Variants in SKAP1 observed in about 807,000 individuals in gnomAD.
The protein encoded by SKAP1 is src kinase associated phosphoprotein 1, also known as src kinase-associated phosphoprotein 1.
Under a neutral mutation model 58.5 loss-of-function variants are expected in SKAP1, and 44 were observed. That is an observed-to-expected ratio of 0.75 (90% CI 0.59 to 0.97). The LOEUF is 0.97. SKAP1 is among the 50% of genes least tolerant of loss of function. The pLI, the probability that SKAP1 is intolerant of heterozygous loss-of-function variation, is 0.00. For missense variants in SKAP1, 390 were observed against 435.2 expected (o/e 0.90, Z 0.92); for synonymous variants, 127 against 149.7 (o/e 0.85, Z 1.11).
chr17:48,140,346 CCTTCTA>C (rs1307466276), intron 11 of SKAP1, among the ~76,000 whole-genome samples: 1 of 152,184 alleles, frequency 6.6e-6, no homozygotes, highest in African/African-American at 2.4e-5. Context: ...TGGTTTCTCT[CCTTCTA>C]CTTCTACTTC....
intron 4 of SKAP1, among the ~76,000 whole-genome samples, chr17:48,318,066 A>G (rs920132627): frequency 2.0e-4 from 30 of 152,362 alleles, no homozygotes; most frequent in Non-Finnish European, 4.0e-4. Context: ...ACACATGAAC[A>G]ATACCACTGA....
chr17:48,196,264 A>G (rs965629087), intron 4 of SKAP1, among the ~76,000 whole-genome samples: 1 of 152,182 alleles, frequency 6.6e-6, no homozygotes, highest in Non-Finnish European at 1.5e-5. Flanking sequence ...CCCCCACAAA[A>G]AGAGACCCTG....
chr17:48,163,816 G>C (rs187315456), intron 10 of SKAP1, among the ~76,000 whole-genome samples: 2 of 152,224 alleles, frequency 1.3e-5, no homozygotes, highest in South Asian at 4.1e-4. Flanking sequence ...ATAAAGGCAC[G>C]GAGGGACAAA....
intron 3 of SKAP1, 65 bp downstream of exon 3, chr17:48,363,724 C>A: frequency 7.4e-7 from 1 of 1,357,170 alleles, no homozygotes; most frequent in Non-Finnish European, 1.0e-6. Context: ...AGAGAAGAGA[C>A]AGGAATAAAC....
chr17:48,159,248 T>G (rs2064035575), intron 11 of SKAP1, among the ~76,000 whole-genome samples: 1 of 152,238 alleles, frequency 6.6e-6, no homozygotes, highest in Admixed American at 6.5e-5. Flanking sequence ...GTGGAACTTC[T>G]TTAGCAGTTT....
intron 4 of SKAP1, among the ~76,000 whole-genome samples, chr17:48,221,910 G>A (rs1299975123): frequency 1.3e-5 from 2 of 152,114 alleles, no homozygotes; most frequent in African/African-American, 4.8e-5. Flanking sequence ...CTGTCTAGAC[G>A]TCTCTGTTGC....
intron 11 of SKAP1, among the ~76,000 whole-genome samples, chr17:48,141,927 C>T (rs1447968122): frequency 6.6e-6 from 1 of 152,166 alleles, no homozygotes; most frequent in Non-Finnish European, 1.5e-5. Flanking sequence ...TTACTCACTC[C>T]CTAGAAGCCT....
At chr17:48,271,407 C>T (rs1201882498) in intron 4 of SKAP1, among the ~76,000 whole-genome samples, 1 of 138,754 alleles carries the variant, frequency 7.2e-6, no homozygotes, top group Non-Finnish European at 1.5e-5. Flanking sequence ...CACTCTTCTG[C>T]CTAGGCCAGA....
intron 2 of SKAP1, among the ~76,000 whole-genome samples, chr17:48,388,391 G>A (rs772604890): frequency 6.6e-6 from 1 of 152,036 alleles, no homozygotes; most frequent in African/African-American, 2.4e-5. Context: ...CCGAGATCAC[G>A]CCACTGCACT....
At chr17:48,195,071 G>C (rs1188875715) in intron 4 of SKAP1, among the ~76,000 whole-genome samples, 1 of 152,180 alleles carries the variant, frequency 6.6e-6, no homozygotes, top group African/African-American at 2.4e-5. Context: ...GGTGAGGAGG[G>C]TATTGCAGAT....
At position 48,189,332 on chromosome 17, in the gene SKAP1, C is replaced by T. The variant is rs971465524; in HGVS notation, c.358+91G>A. On this transcript the variant is annotated intron_variant, in intron 5 of 12. Coordinates refer to ENST00000336915, the MANE Select transcript of SKAP1 (RefSeq NM_003726.4). ...TGTATCCGCCTAGCACAGTACCGGG[C>T]ACAGAGAAGGCATCCAATGTGTTAG... 7 of 1,023,836 alleles carry T rather than the reference C, an allele frequency of 6.8e-6. No individual in the cohort carries two copies. In the African/African-American group the frequency reaches 1.1e-4, roughly 16 times the overall value. 63.4% of individuals were successfully genotyped at this position (1,023,836 alleles called of 1,614,324 possible).
rs147450258 is a variant in SKAP1 at position 48,223,209 on chromosome 17, T to C, written c.281-33709A>G. On this transcript the variant is annotated intron_variant, in intron 4 of 12. Coordinates refer to ENST00000336915, the MANE Select transcript of SKAP1 (RefSeq NM_003726.4). ...CATTCTAAAAACTGCTGATTCTCAC[T>C]TGGTAAATGGAAACTGAGTTATAGC... 8.5e-5 allele frequency among the ~76,000 whole-genome samples: 13 copies of C among 152,278 alleles called. No individual in the cohort carries two copies. The East Asian group carries it at 2.5e-3, about 29-fold the overall frequency.
chr17:48,413,514 C>G (rs927760639), intron 1 of SKAP1, among the ~76,000 whole-genome samples: 2 of 99,928 alleles, frequency 2.0e-5, no homozygotes, highest in African/African-American at 9.9e-5. Flanking sequence ...AACTCCGTCT[C>G]AAAAAAAAAA....
At chr17:48,139,902 C>T (rs1221847343) in intron 11 of SKAP1, among the ~76,000 whole-genome samples, 4 of 152,184 alleles carry the variant, frequency 2.6e-5, no homozygotes, top group Non-Finnish European at 4.4e-5. Flanking sequence ...CCTCACAACA[C>T]GCACTTGCAA....
intron 1 of SKAP1, among the ~76,000 whole-genome samples, chr17:48,414,241 C>T (rs923363233): frequency 2.6e-5 from 4 of 152,030 alleles, no homozygotes; most frequent in South Asian, 2.1e-4. Flanking sequence ...AGGTAAATCA[C>T]GGAAGGCCTC....
chr17:48,349,631 C>T (rs916180604), intron 3 of SKAP1, among the ~76,000 whole-genome samples: 2 of 152,204 alleles, frequency 1.3e-5, no homozygotes, highest in East Asian at 3.9e-4. Context: ...AAGAATTGGG[C>T]GTTAGATACA....
chr17:48,357,666 T>C (rs952421010), intron 3 of SKAP1, among the ~76,000 whole-genome samples: 6 of 152,218 alleles, frequency 3.9e-5, no homozygotes, highest in Admixed American at 3.9e-4. Context: ...TGATAGTCAT[T>C]GCAAAACAAT....
At chr17:48,196,258 C>G (rs1018498786) in intron 4 of SKAP1, among the ~76,000 whole-genome samples, 1 of 152,188 alleles carries the variant, frequency 6.6e-6, no homozygotes, top group Non-Finnish European at 1.5e-5. Flanking sequence ...CTCACTCCCC[C>G]ACAAAAAGAG....
chr17:48,260,837 TAAC>T, intron 4 of SKAP1, among the ~76,000 whole-genome samples: 1 of 152,262 alleles, frequency 6.6e-6, no homozygotes, highest in South Asian at 2.1e-4. Context: ...ACACACAGTT[TAAC>T]AACAAAGGCA....
Sources: gnomAD v4.1 joint callset for allele counts (sites outside exome capture counted in the v4.1 genomes callset) on GRCh38, gnomAD v4.1.1 for gene constraint, MANE v1.5 for transcripts, NCBI Gene and HGNC (gene_info 2026-07-23, HGNC 2026-07-21) for gene names.